Variants in WSCD2 observed in about 807,000 individuals in gnomAD.
WSCD2 encodes sialate:O-sulfotransferase 2.
In WSCD2, 28 loss-of-function variants were observed where a neutral mutation model predicts 55.7. The ratio of observed to expected loss-of-function variants is 0.50; its 90% CI spans 0.37 to 0.69. The LOEUF (loss-of-function observed/expected upper bound fraction) is 0.69, where lower values mean the gene tolerates loss of function less well. Ranked by LOEUF, WSCD2 falls within the 30% of genes least tolerant of loss-of-function variation. WSCD2 has a pLI of 0.00. For synonymous variants in WSCD2, 301 were observed against 301.9 expected (o/e 1.00, Z 0.03); for missense variants, 616 against 762.1 (o/e 0.81, Z 2.26).
chr12:108,170,569 C>G (rs1880131130), intron 1 of WSCD2, among the ~76,000 whole-genome samples: 1 of 152,200 alleles, frequency 6.6e-6, no homozygotes, highest in Non-Finnish European at 1.5e-5. Context: ...GTCATTGAAT[C>G]CACCACCGGC....
chr12:108,238,734 A>G (rs1391191851), intron 7 of WSCD2, among the ~76,000 whole-genome samples: 2 of 152,230 alleles, frequency 1.3e-5, no homozygotes, highest in African/African-American at 4.8e-5. Flanking sequence ...CACAGCCAGT[A>G]TCTTGAAGGC....
intron 1 of WSCD2, among the ~76,000 whole-genome samples, chr12:108,138,167 C>T (rs1480190374): frequency 6.6e-6 from 1 of 152,160 alleles, no homozygotes; most frequent in African/African-American, 2.4e-5. Flanking sequence ...AGAAACCAGG[C>T]TGGAGAGGAC....
intron 2 of WSCD2, among the ~76,000 whole-genome samples, chr12:108,205,117 A>G (rs879604563): frequency 6.6e-6 from 1 of 152,188 alleles, no homozygotes; most frequent in Non-Finnish European, 1.5e-5. Context: ...TAAATCATCT[A>G]AGATAAGAGC....
At chr12:108,179,188 G>A (rs944851886) in intron 1 of WSCD2, among the ~76,000 whole-genome samples, 7 of 151,354 alleles carry the variant, frequency 4.6e-5, no homozygotes, top group South Asian at 2.1e-4. Flanking sequence ...CATCAACATC[G>A]CCTGGAAGCC....
Position 108,146,419 on chromosome 12 carries a change from G to T in WSCD2, c.-552+16493G>T, listed in dbSNP as rs920445027. Among the ~76,000 whole-genome samples, 5 of 152,236 alleles carry T rather than the reference G, an allele frequency of 3.3e-5. No homozygotes were observed. In the South Asian group the frequency reaches 1.0e-3, roughly 32 times the overall value. ...GAGCAGCTTTTGTCCTGGCACAGAGGCCACCTGCCTGGAGGATACAGTTAG... is the reference window on the plus strand; with the variant it reads ...GAGCAGCTTTTGTCCTGGCACAGAGTCCACCTGCCTGGAGGATACAGTTAG... On this transcript the variant is annotated intron_variant, in intron 1 of 8. Transcript: ENST00000547525.
At chr12:108,186,671 A>G (rs892373552) in intron 1 of WSCD2, among the ~76,000 whole-genome samples, 2 of 152,198 alleles carry the variant, frequency 1.3e-5, no homozygotes, top group Admixed American at 1.3e-4. Flanking sequence ...CATGTCATTT[A>G]GCCCTGAATA....
intron 1 of WSCD2, among the ~76,000 whole-genome samples, chr12:108,166,754 T>TTC (rs1879660265): frequency 2.2e-5 from 1 of 46,062 alleles, no homozygotes; most frequent in Admixed American, 2.3e-4. Context: ...CCTTCTTTCT[T>TTC]TCTTTCTTTT....
intron 7 of WSCD2, among the ~76,000 whole-genome samples, chr12:108,235,168 T>C (rs371087261): frequency 6.6e-6 from 1 of 152,186 alleles, no homozygotes; most frequent in African/African-American, 2.4e-5. Flanking sequence ...TTTCCTAATC[T>C]ATAATACAGG....
chr12:108,219,041 T>C (rs533651456), intron 4 of WSCD2, among the ~76,000 whole-genome samples: 5 of 152,294 alleles, frequency 3.3e-5, no homozygotes, highest in African/African-American at 1.2e-4. Context: ...CCTGGTGGCA[T>C]TGAGCTGGGC....
chr12:108,234,432 G>C (rs928125617), intron 7 of WSCD2, among the ~76,000 whole-genome samples: 3 of 152,176 alleles, frequency 2.0e-5, no homozygotes, highest in African/African-American at 7.2e-5. Context: ...GTTGGCAACG[G>C]GTCAGGCAGG....
At position 108,232,984 on chromosome 12, in the gene WSCD2, G is replaced by C. The variant is rs1349786083; in HGVS notation, c.1144+89G>C. ...AGGGTATGGGAATACTCCTCCTTGA[G>C]TATCTACTGTGTGCCACTCAGCTCT... is the stretch of plus-strand genomic sequence containing the variant. On this transcript the variant is annotated intron_variant, in intron 7 of 8. Coordinates refer to ENST00000547525, the MANE Select transcript of WSCD2 (RefSeq NM_014653.4). The C allele has an allele frequency of 2.6e-6, 4 of 1,520,406 alleles. No individual in the cohort carries two copies. The Admixed American group carries it at 5.5e-5, about 21-fold the overall frequency. The allele number at this position is 1,520,406 out of a possible 1,614,324, so 94.2% of individuals were successfully genotyped here.
chr12:108,244,903 A>T (rs530866432), intron 8 of WSCD2, among the ~76,000 whole-genome samples: 1 of 151,968 alleles, frequency 6.6e-6, no homozygotes, highest in Non-Finnish European at 1.5e-5. Flanking sequence ...CAGGTTTCTT[A>T]ATATATATAA....
intron 1 of WSCD2, chr12:108,149,885 A>C (rs1171974205): frequency 6.6e-6 from 1 of 152,142 alleles, no homozygotes; most frequent in Non-Finnish European, 1.5e-5. Context: ...GGCTCATGTG[A>C]TGTTCTCCAC....
chr12:108,232,982 G>A, intron 7 of WSCD2, 87 bp downstream of exon 7: 3 of 1,529,046 alleles, frequency 2.0e-6, no homozygotes, highest in Non-Finnish European at 2.7e-6. Flanking sequence ...ACTCCTCCTT[G>A]AGTATCTACT....
chr12:108,140,925 G>A (rs769337885), intron 1 of WSCD2, among the ~76,000 whole-genome samples: 2 of 152,230 alleles, frequency 1.3e-5, no homozygotes, highest in African/African-American at 4.8e-5. Flanking sequence ...CAGGTCCTGC[G>A]GCCCCTTCGC....
intron 1 of WSCD2, among the ~76,000 whole-genome samples, chr12:108,185,820 G>A (rs1050626537): frequency 6.6e-6 from 1 of 152,132 alleles, no homozygotes; most frequent in African/African-American, 2.4e-5. Context: ...GCCTATTAAG[G>A]AACTCTATGC....
intron 1 of WSCD2, among the ~76,000 whole-genome samples, chr12:108,172,600 C>T (rs1056063110): frequency 3.9e-5 from 6 of 152,102 alleles, no homozygotes; most frequent in East Asian, 1.9e-4. Context: ...GAGAATGCCA[C>T]GTGAAGACAG....
intron 1 of WSCD2, chr12:108,189,314 A>C (rs1036168307): frequency 1.1e-4 from 17 of 152,320 alleles, no homozygotes; most frequent in African/African-American, 3.4e-4. Context: ...AGGGTGGTTG[A>C]GGCTAAGTCC....
At chr12:108,223,411 CAT>C (rs1887743261) in intron 4 of WSCD2, among the ~76,000 whole-genome samples, 1 of 152,220 alleles carries the variant, frequency 6.6e-6, no homozygotes, top group South Asian at 2.1e-4. Flanking sequence ...ATCTTAAACA[CAT>C]CTTCACCTGG....
Sources: allele counts gnomAD v4.1 joint callset (sites outside exome capture counted in the v4.1 genomes callset), GRCh38; gene constraint gnomAD v4.1.1; transcripts MANE v1.5; gene names NCBI Gene and HGNC (gene_info 2026-07-23, HGNC 2026-07-21).